PALM2AKAP2: variants seen among roughly 807,000 people sequenced by gnomAD.
The protein encoded by PALM2AKAP2 is PALM2-AKAP2 fusion protein.
Under a neutral mutation model 71.5 loss-of-function variants are expected in PALM2AKAP2, and 37 were observed. The ratio of observed to expected loss-of-function variants is 0.52; its 90% CI spans 0.40 to 0.68. PALM2AKAP2 has a LOEUF of 0.68. Ranked by LOEUF, PALM2AKAP2 falls within the 30% of genes least tolerant of loss-of-function variation. The pLI, the probability that PALM2AKAP2 is intolerant of heterozygous loss-of-function variation, is 0.00. For missense variants in PALM2AKAP2, 1,224 were observed against 1,191.8 expected (o/e 1.03, Z -0.40); for synonymous variants, 468 against 478.8 (o/e 0.98, Z 0.29).
At chr9:109,906,893 A>G (rs529717193) in intron 3 of PALM2AKAP2, among the ~76,000 whole-genome samples, 1 of 152,324 alleles carries the variant, frequency 6.6e-6, no homozygotes, top group Non-Finnish European at 1.5e-5. Context: ...TTCAAGAGCC[A>G]TCATATCCTG....
intron 1 of PALM2AKAP2, among the ~76,000 whole-genome samples, chr9:109,819,948 C>T (rs536230678): frequency 6.6e-6 from 1 of 152,022 alleles, no homozygotes; most frequent in Non-Finnish European, 1.5e-5. Flanking sequence ...AAATTGGGAA[C>T]AATTCAATAG....
chr9:109,775,860 A>G (rs552834729), upstream of PALM2AKAP2, among the ~76,000 whole-genome samples: 268 of 152,348 alleles, frequency 1.8e-3, 3 homozygotes, highest in Non-Finnish European at 3.2e-3. Context: ...ATAGATTCTG[A>G]AATTTTTATT....
At chr9:109,858,718 G>A (rs1177003338) in intron 1 of PALM2AKAP2, among the ~76,000 whole-genome samples, 2 of 152,166 alleles carry the variant, frequency 1.3e-5, no homozygotes, top group Non-Finnish European at 2.9e-5. Context: ...TACCTGTACA[G>A]AAAGTGCTGG....
intron 1 of PALM2AKAP2, among the ~76,000 whole-genome samples, chr9:110,097,448 G>A (rs1367062384): frequency 1.3e-5 from 2 of 150,822 alleles, no homozygotes; most frequent in African/African-American, 4.9e-5. Context: ...ATCATGGCCC[G>A]TTCTCAATGA....
At chr9:109,843,324 A>AAAAAAAAAG (rs1828760510) in intron 1 of PALM2AKAP2, among the ~76,000 whole-genome samples, 1 of 145,610 alleles carries the variant, frequency 6.9e-6, no homozygotes, top group African/African-American at 2.5e-5. Context: ...AAAAAAAAAA[A>AAAAAAAAAG]GAAGAAGACT....
intron 1 of PALM2AKAP2, among the ~76,000 whole-genome samples, chr9:110,126,507 C>CA (rs1219740175): frequency 6.6e-6 from 1 of 152,156 alleles, no homozygotes. Context: ...GACTACCTTG[C>CA]AAAATAATCT....
intron 1 of PALM2AKAP2, among the ~76,000 whole-genome samples, chr9:110,133,415 T>C (rs1835778181): frequency 6.6e-6 from 1 of 152,076 alleles, no homozygotes; most frequent in African/African-American, 2.4e-5. Context: ...TTAAAGGGTG[T>C]TGTCTTCTGG....
intron 2 of PALM2AKAP2, among the ~76,000 whole-genome samples, chr9:109,869,775 T>C (rs1829555464): frequency 6.6e-6 from 1 of 152,166 alleles, no homozygotes. Flanking sequence ...TAGTTCTTTA[T>C]GGCTATCTTG....
chr9:109,644,089 C>A (rs768903635), intron 1 of PALM2AKAP2, among the ~76,000 whole-genome samples: 11 of 152,240 alleles, frequency 7.2e-5, no homozygotes, highest in Non-Finnish European at 1.6e-4. Flanking sequence ...CCAGGATTCA[C>A]CCCCAGGACC....
intron 1 of PALM2AKAP2, among the ~76,000 whole-genome samples, chr9:109,845,545 G>A (rs1423105974): frequency 6.6e-6 from 1 of 152,176 alleles, no homozygotes; most frequent in Non-Finnish European, 1.5e-5. Flanking sequence ...TTACTGCGTA[G>A]TCCTAGGGAG....
chr9:109,864,309 G>T (rs188114494), intron 1 of PALM2AKAP2, among the ~76,000 whole-genome samples: 1 of 152,322 alleles, frequency 6.6e-6, no homozygotes, highest in East Asian at 1.9e-4. Flanking sequence ...CAGCCTTACT[G>T]CTTTCCCACT....
At chr9:109,817,358 T>G (rs1827880246) in intron 1 of PALM2AKAP2, among the ~76,000 whole-genome samples, 1 of 152,208 alleles carries the variant, frequency 6.6e-6, no homozygotes, top group African/African-American at 2.4e-5. Context: ...CTGCCTGGTA[T>G]GCTAATGATC....
intron 1 of PALM2AKAP2, chr9:110,125,582 C>T (rs1041749102): frequency 6.1e-6 from 6 of 985,338 alleles, no homozygotes; most frequent in Middle Eastern, 5.2e-4. Context: ...GTTTGAGGCG[C>T]GCGCTCTGGG....
intron 1 of PALM2AKAP2, among the ~76,000 whole-genome samples, chr9:109,820,947 C>G (rs759461183): frequency 4.6e-5 from 7 of 152,226 alleles, no homozygotes; most frequent in Non-Finnish European, 1.0e-4. Flanking sequence ...TTAGAGTCTA[C>G]TGCCTGAAGC....
intron 1 of PALM2AKAP2, among the ~76,000 whole-genome samples, chr9:109,697,022 G>A (rs1391907102): frequency 6.6e-6 from 1 of 151,904 alleles, no homozygotes; most frequent in Non-Finnish European, 1.5e-5. Flanking sequence ...TTTCTCTCTG[G>A]TTTCTATATA....
chr9:110,017,081 G>A lies in PALM2AKAP2; in HGVS notation c.582+1042G>A, dbSNP rs192918530. ...TTTTTAGTAGAGACGGGGTTTCACC[G>A]TGTTAGCCAGGATGGTCTCGATCTC... On this transcript the variant is annotated intron_variant, in intron 7 of 9. Transcript: ENST00000302798. 1.4e-3 allele frequency among the ~76,000 whole-genome samples: 214 copies of A among 152,210 alleles called. 1 individual carries two copies. The highest frequency in any genetic ancestry group is 4.6e-3 in the African/African-American group (190 of 41,556).
intron 6 of PALM2AKAP2, among the ~76,000 whole-genome samples, chr9:109,996,657 C>T (rs1832580836): frequency 6.6e-6 from 1 of 152,262 alleles, no homozygotes; most frequent in East Asian, 1.9e-4. Context: ...TTCTGACCCA[C>T]TCTCAGATGC....
At chr9:109,770,852 T>C (rs147175810) in intron 1 of PALM2AKAP2, among the ~76,000 whole-genome samples, 64 of 152,390 alleles carry the variant, frequency 4.2e-4, no homozygotes, top group African/African-American at 1.5e-3. Context: ...TCATTGAGCA[T>C]CTGCAATATG....
intron 1 of PALM2AKAP2, among the ~76,000 whole-genome samples, chr9:109,808,763 A>G (rs1382913879): frequency 6.6e-6 from 1 of 152,238 alleles, no homozygotes; most frequent in African/African-American, 2.4e-5. Flanking sequence ...CTCCAATCAC[A>G]GGCCCAGAGG....
Sources: allele counts gnomAD v4.1 joint callset (sites outside exome capture counted in the v4.1 genomes callset), GRCh38; gene constraint gnomAD v4.1.1; transcripts MANE v1.5; gene names NCBI Gene and HGNC (gene_info 2026-07-23, HGNC 2026-07-21).